Variants in CD82 observed in about 807,000 individuals in gnomAD.
CD82 encodes CD82 antigen.
Under a neutral mutation model 37.4 loss-of-function variants are expected in CD82, and 36 were observed. The ratio of observed to expected loss-of-function variants is 0.96; its 90% CI spans 0.74 to 1.27. The LOEUF (loss-of-function observed/expected upper bound fraction) is 1.27. CD82 is among the 50% of genes most tolerant of loss of function. CD82 has a pLI of 0.00. For synonymous variants in CD82, 158 were observed against 137.4 expected (o/e 1.15, Z -1.05); for missense variants, 340 against 347.0 (o/e 0.98, Z 0.16).
At chr11:44,582,013 G>T (rs1187629543) in intron 1 of CD82, among the ~76,000 whole-genome samples, 1 of 152,220 alleles carries the variant, frequency 6.6e-6, no homozygotes, top group Non-Finnish European at 1.5e-5. Context: ...TGGCTGCAGT[G>T]ACCACCCTCT....
intron 1 of CD82, among the ~76,000 whole-genome samples, chr11:44,583,902 C>T (rs1462949930): frequency 6.6e-6 from 1 of 152,196 alleles, no homozygotes. Context: ...AATCCCAGCT[C>T]TCTCAGGAGA....
At chr11:44,589,129 G>A (rs1374395479) in intron 2 of CD82, among the ~76,000 whole-genome samples, 2 of 152,206 alleles carry the variant, frequency 1.3e-5, no homozygotes, top group African/African-American at 4.8e-5. Context: ...GATGGCACAT[G>A]CCTGTAATCC....
intron 3 of CD82, among the ~76,000 whole-genome samples, chr11:44,599,492 T>G: frequency 6.6e-6 from 1 of 152,244 alleles, no homozygotes; most frequent in South Asian, 2.1e-4. Flanking sequence ...CATCAGCTCA[T>G]TCATTCCCCC....
intron 1 of CD82, chr11:44,585,276 T>C (rs1300217972): frequency 4.4e-6 from 2 of 456,302 alleles, no homozygotes; most frequent in South Asian, 3.1e-5. Flanking sequence ...TTCCAGATCA[T>C]CATCATCATC....
chr11:44,567,148 G>A (rs1252772184), intron 1 of CD82, among the ~76,000 whole-genome samples: 2 of 152,154 alleles, frequency 1.3e-5, no homozygotes, highest in Non-Finnish European at 2.9e-5. Flanking sequence ...TCATGGGTCT[G>A]TTCTGCCCTG....
At chr11:44,581,630 A>G (rs1852980390) in intron 1 of CD82, among the ~76,000 whole-genome samples, 1 of 151,422 alleles carries the variant, frequency 6.6e-6, no homozygotes, top group Non-Finnish European at 1.5e-5. Context: ...TTCCTGTTTC[A>G]CTCCAGCTCC....
chr11:44,611,402 C>G (rs1590348881), intron 6 of CD82, among the ~76,000 whole-genome samples: 1 of 152,310 alleles, frequency 6.6e-6, no homozygotes, highest in East Asian at 1.9e-4. Flanking sequence ...CATCCTACCA[C>G]ATTGATGGAA....
intron 6 of CD82, among the ~76,000 whole-genome samples, chr11:44,613,478 C>T (rs1241249820): frequency 1.3e-5 from 2 of 152,168 alleles, no homozygotes; most frequent in Non-Finnish European, 1.5e-5. Context: ...TGCTCTCCAC[C>T]ACAAGAAGGA....
intron 7 of CD82, among the ~76,000 whole-genome samples, chr11:44,615,728 G>A (rs528165407): frequency 6.6e-6 from 1 of 152,342 alleles, no homozygotes; most frequent in Non-Finnish European, 1.5e-5. Context: ...TCCCAGTGAA[G>A]GCTGCCTCTG....
At chr11:44,614,428 G>A (rs916774474) in intron 6 of CD82, among the ~76,000 whole-genome samples, 7 of 152,194 alleles carry the variant, frequency 4.6e-5, no homozygotes, top group African/African-American at 1.7e-4. Context: ...GCAGACCATG[G>A]TGGTTAGGTG....
Position 44,600,203 on chromosome 11 carries a change from G to A in CD82, c.109G>A (p.Asp37Asn), listed in dbSNP as rs758337930. ...ILGFGVWILADKSSFISVLQT... is the reference protein window; with the variant it reads ...ILGFGVWILANKSSFISVLQT... Reference sequence around the variant, plus strand: ...GGGCTTCGGGGTGTGGATCCTGGCCGACAAGAGCAGTTTCATCTCTGTCCT... The same window carrying A: ...GGGCTTCGGGGTGTGGATCCTGGCCAACAAGAGCAGTTTCATCTCTGTCCT... Residue 37 changes from aspartate (D) to asparagine (N), a missense_variant, in exon 4 of 10, where the codon GAC becomes AAC. Physicochemically the swap from Asp to Asn is conservative, Grantham distance 23. Coordinates refer to ENST00000227155, the MANE Select transcript of CD82 (RefSeq NM_002231.4). 24 of 1,613,936 alleles carry A rather than the reference G, an allele frequency of 1.5e-5. No homozygotes were observed. Among genetic ancestry groups the A allele is most frequent in the Admixed American group, 1.0e-4 (6 of 59,982 alleles).
intron 1 of CD82, chr11:44,573,165 A>T (rs540886139): frequency 6.6e-6 from 1 of 152,350 alleles, no homozygotes; most frequent in South Asian, 2.1e-4. Context: ...AGGTCCCTCC[A>T]CTGGGAAACA....
At chr11:44,618,050 C>G in intron 7 of CD82, 112 bp from the exon 8 acceptor site, 1 of 849,222 alleles carries the variant, frequency 1.2e-6, no homozygotes, top group Non-Finnish European at 1.9e-6. Context: ...GACCAGGGGC[C>G]TGGAAGTGGC....
intron 1 of CD82, among the ~76,000 whole-genome samples, chr11:44,570,744 A>G (rs553387463): frequency 4.6e-5 from 7 of 152,358 alleles, no homozygotes; most frequent in Admixed American, 2.6e-4. Context: ...AGAGGGGAAC[A>G]GCATGACTTC....
At chr11:44,594,599 C>T in intron 2 of CD82, 44 bp from the exon 3 acceptor site, 2 of 1,262,908 alleles carry the variant, frequency 1.6e-6, no homozygotes, top group Non-Finnish European at 2.3e-6. Flanking sequence ...CAAGGGCAGA[C>T]TGAGCTGATC....
At chr11:44,592,649 G>A (rs1392927815) in intron 2 of CD82, among the ~76,000 whole-genome samples, 2 of 152,186 alleles carry the variant, frequency 1.3e-5, no homozygotes, top group Non-Finnish European at 2.9e-5. Flanking sequence ...ACTCCCAGGA[G>A]GCCTTCCTAG....
intron 6 of CD82, among the ~76,000 whole-genome samples, chr11:44,607,732 A>G (rs183860529): frequency 6.6e-6 from 1 of 152,342 alleles, no homozygotes; most frequent in East Asian, 1.9e-4. Flanking sequence ...CCACTGACAC[A>G]CACAGCTTGG....
intron 1 of CD82, among the ~76,000 whole-genome samples, chr11:44,573,957 G>T (rs553917999): frequency 6.6e-6 from 1 of 152,214 alleles, no homozygotes; most frequent in Non-Finnish European, 1.5e-5. Context: ...GAAGCCAGAG[G>T]TTAAGGGTGG....
Position 44,605,150 on chromosome 11 carries a change from G to T in CD82, c.229G>T (p.Ala77Ser), listed in dbSNP as rs1448835814. The change falls in exon 5 of 10, where the codon GCC becomes TCC. Residue 77 changes from alanine (A) to serine (S), a missense_variant. Transcript: ENST00000227155. ...MLMGFLGCIGAVNEVRCLLGL... is the reference protein window; with the variant it reads ...MLMGFLGCIGSVNEVRCLLGL... The stretch of plus-strand genomic sequence containing the variant: ...CATGGGCTTCCTGGGCTGCATCGGC[G>T]CCGTCAACGAGGTCCGCTGCCTGCT... The T allele has an allele frequency of 2.5e-6, 4 of 1,613,994 alleles. No homozygotes were observed. The African/African-American group carries it at 5.3e-5, about 22-fold the overall frequency.
Sources: gnomAD v4.1 joint callset for allele counts (sites outside exome capture counted in the v4.1 genomes callset) on GRCh38, gnomAD v4.1.1 for gene constraint, MANE v1.5 for transcripts, NCBI Gene and HGNC (gene_info 2026-07-23, HGNC 2026-07-21) for gene names.